FAM110C: variants seen among roughly 807,000 people sequenced by gnomAD.
The protein encoded by FAM110C is protein FAM110C.
FAM110C carries 19 observed loss-of-function variants against 15.7 expected under a neutral mutation model. That is an observed-to-expected ratio of 1.21 (90% confidence interval 0.85 to 1.78). The LOEUF (loss-of-function observed/expected upper bound fraction) is 1.78, where lower values mean the gene tolerates loss of function less well. Ranked by LOEUF, FAM110C falls within the 40% of genes most tolerant of loss-of-function variation. The probability of loss-of-function intolerance (pLI) is 0.00; values close to 1 mark genes in which losing one functional copy is unlikely to be tolerated. For synonymous variants in FAM110C, 275 were observed against 233.9 expected, an observed-to-expected ratio of 1.18 and a Z score of -1.61; for missense variants, 547 against 495.7, an observed-to-expected ratio of 1.10 and a Z score of -0.98.
intron 1 of FAM110C, chr2:43,221 T>A: frequency 1.0e-6 from 1 of 985,444 alleles, no homozygotes; most frequent in Non-Finnish European, 1.2e-6. Flanking sequence ...AGTACATTAG[T>A]AAAGAAAATC....
In FAM110C at chr2:40,727, C is replaced by G. The variant is rs1377458675; in HGVS notation, c.*881G>C. The G allele has an allele frequency of 6.6e-6, 1 of 152,146 alleles. No individual in the cohort carries two copies. Among genetic ancestry groups the G allele is most frequent in the Non-Finnish European group, 1.5e-5 (1 of 68,028 alleles). The allele number at this position is 152,146 out of a possible 1,614,324, so 9.4% of individuals were successfully genotyped here. A position where few individuals can be genotyped will look rare whatever the true frequency, so the allele number is the denominator to read the frequency against. ...TCAGATGCCCGTGTTCTGTGTAAACCAAAGTTTTCTGTTCTTTTTGGAAGT... is the reference window on the plus strand; with the variant it reads ...TCAGATGCCCGTGTTCTGTGTAAACGAAAGTTTTCTGTTCTTTTTGGAAGT... On this transcript the variant is annotated 3_prime_UTR_variant, in exon 2 of 2. Transcript: ENST00000327669.
chr2:46,272 C>T lies in FAM110C; in HGVS notation c.114G>A (p.Glu38=). The part of the protein sequence containing the change: ...AARPARRSAV[E]RLAADRAKYV... Reference sequence around the variant, plus strand: ...ACTTGGCGCGATCCGCCGCCAGCCTCTCCACTGCGCTCCTGCGCGCCGGCC... The same window carrying T: ...ACTTGGCGCGATCCGCCGCCAGCCTTTCCACTGCGCTCCTGCGCGCCGGCC... Residue 38 remains glutamate, a synonymous_variant, in exon 1 of 2, where the codon GAG becomes GAA. Coordinates refer to ENST00000327669, the MANE Select transcript of FAM110C (RefSeq NM_001077710.3). 7.2e-7 allele frequency: 1 copy of T among 1,389,542 alleles called. No individual in the cohort carries two copies. The highest frequency in any genetic ancestry group is 9.3e-7 in the Non-Finnish European group (1 of 1,075,194). 86.1% of individuals were successfully genotyped at this position (1,389,542 alleles called of 1,614,324 possible).
At position 46,090 on chromosome 2, in the gene FAM110C, G is replaced by A. The variant is rs747170500; in HGVS notation, c.296C>T (p.Ser99Leu). The A allele has an allele frequency of 2.0e-6, 3 of 1,520,550 alleles. No homozygotes were observed. The highest frequency in any genetic ancestry group is 2.6e-6 in the Non-Finnish European group (3 of 1,141,768). The allele number at this position is 1,520,550 out of a possible 1,614,324, so 94.2% of individuals were successfully genotyped here. Reference protein sequence around the residue: ...AIARKPLRPDSLIIYRQKCEF... With the variant: ...AIARKPLRPDLLIIYRQKCEF... ...GCATTTCTGCCGGTAGATGATCAGC[G>A]AGTCCGGTCTCAACGGCTTCCGCGC... is the stretch of plus-strand genomic sequence containing the variant. Residue 99 changes from serine to leucine, a missense_variant, in exon 1 of 2, where the codon TCG becomes TTG. Physicochemically the swap from Ser to Leu is moderately radical, Grantham distance 145. Transcript: ENST00000327669.
intron 1 of FAM110C, 83 bp downstream of exon 1, chr2:45,357 G>C: frequency 6.7e-7 from 1 of 1,500,798 alleles, no homozygotes; most frequent in African/African-American, 1.4e-5. Context: ...GCTGTAACTG[G>C]CCATCGCCCA....
intron 1 of FAM110C, chr2:44,598 C>T (rs1664226411): frequency 3.0e-6 from 3 of 985,314 alleles, no homozygotes; most frequent in Admixed American, 1.2e-4. Flanking sequence ...TCTTTCTCTT[C>T]ACTACTTTCC....
intron 1 of FAM110C, chr2:42,208 T>C: frequency 2.0e-6 from 2 of 985,444 alleles, no homozygotes; most frequent in South Asian, 9.4e-5. Flanking sequence ...TTTTTCTGCA[T>C]CTTTGCAAAT....
chr2:44,845 A>C (rs1664232141), intron 1 of FAM110C: 1 of 985,448 alleles, frequency 1.0e-6, no homozygotes, highest in South Asian at 4.7e-5. Flanking sequence ...AGCCAAATAA[A>C]GATCTTTGTT....
intron 1 of FAM110C, chr2:43,182 A>G (rs1664173657): frequency 1.0e-6 from 1 of 985,342 alleles, no homozygotes; most frequent in African/African-American, 1.7e-5. Flanking sequence ...GCAGTTTCAA[A>G]GAGGCCTGTG....
rs971338991 is a variant in FAM110C at position 46,500 on chromosome 2, C to T, written c.-115G>A. ...GTCCGCGCCGGGTGGGGAACGGCGCCCCAGTGCCCAGCTGCCCAGGCCCGG... is the reference window on the plus strand; with the variant it reads ...GTCCGCGCCGGGTGGGGAACGGCGCTCCAGTGCCCAGCTGCCCAGGCCCGG... On this transcript the variant is annotated 5_prime_UTR_variant, in exon 1 of 2. Transcript: ENST00000327669. 2.9e-5 allele frequency: 22 copies of T among 755,672 alleles called. No homozygotes were observed. The East Asian group carries it at 7.2e-4, about 25-fold the overall frequency. 46.8% of individuals were successfully genotyped at this position (755,672 alleles called of 1,614,324 possible). A position where few individuals can be genotyped will look rare whatever the true frequency, so the allele number is the denominator to read the frequency against.
At position 42,043 on chromosome 2, in the gene FAM110C, T is replaced by A. The variant is rs542495017; in HGVS notation, c.947-416A>T. 1.8e-4 allele frequency: 174 copies of A among 985,378 alleles called. 1 individual carries two copies. In the African/African-American group the frequency reaches 2.8e-3, roughly 16 times the overall value. 61.0% of individuals were successfully genotyped at this position (985,378 alleles called of 1,614,324 possible). A position where few individuals can be genotyped will look rare whatever the true frequency, so the allele number is the denominator to read the frequency against. The stretch of plus-strand genomic sequence containing the variant: ...AGATTCCTCCCTTTTCAAACACCAA[T>A]ATCTCTTAAAGGCCCAGGCGCGGGT... On this transcript the variant is annotated intron_variant, in intron 1 of 1. Coordinates refer to ENST00000327669, the MANE Select transcript of FAM110C (RefSeq NM_001077710.3).
Position 45,835 on chromosome 2 carries a change from G to A in FAM110C, c.551C>T (p.Pro184Leu). The change falls in exon 1 of 2, where the codon CCC becomes CTC. Residue 184 changes from proline to leucine, a missense_variant. Pro to Leu is a moderately conservative substitution (Grantham distance 98, BLOSUM62 -3). Transcript: ENST00000327669. ...SAAPSSVPAA[P>L]PGPEPRVVRR... Reference sequence around the variant, plus strand: ...CACCACCCGCGGCTCTGGCCCAGGGGGCGCGGCCGGGACACTGGAGGGCGC... The same window carrying A: ...CACCACCCGCGGCTCTGGCCCAGGGAGCGCGGCCGGGACACTGGAGGGCGC... The A allele has an allele frequency of 6.5e-7, 1 of 1,538,730 alleles. No homozygotes were observed. Among genetic ancestry groups the A allele is most frequent in the African/African-American group, 1.4e-5 (1 of 73,208 alleles).
At position 46,492 on chromosome 2, in the gene FAM110C, A is replaced by G; in HGVS notation, c.-107T>C. On this transcript the variant is annotated 5_prime_UTR_variant, in exon 1 of 2. Coordinates refer to ENST00000327669, the MANE Select transcript of FAM110C (RefSeq NM_001077710.3). ...GTTCCGAAGTCCGCGCCGGGTGGGG[A>G]ACGGCGCCCCAGTGCCCAGCTGCCC... 1.1e-6 allele frequency: 1 copy of G among 883,216 alleles called. No homozygotes were observed. The highest frequency in any genetic ancestry group is 1.5e-6 in the Non-Finnish European group (1 of 666,648). 54.7% of individuals were successfully genotyped at this position (883,216 alleles called of 1,614,324 possible). A position where few individuals can be genotyped will look rare whatever the true frequency, so the allele number is the denominator to read the frequency against.
chr2:40,753 T>C lies in FAM110C; in HGVS notation c.*855A>G, dbSNP rs529949368. The C allele has an allele frequency of 3.2e-4, 49 of 152,320 alleles. No homozygotes were observed. Among genetic ancestry groups the C allele is most frequent in the Admixed American group, 2.7e-3 (41 of 15,306 alleles). 9.4% of individuals were successfully genotyped at this position (152,320 alleles called of 1,614,324 possible). A position where few individuals can be genotyped will look rare whatever the true frequency, so the allele number is the denominator to read the frequency against. On this transcript the variant is annotated 3_prime_UTR_variant, in exon 2 of 2. Coordinates refer to ENST00000327669, the MANE Select transcript of FAM110C (RefSeq NM_001077710.3). Reference sequence around the variant, plus strand: ...AAAGTTTTCTGTTCTTTTTGGAAGTTGGGAACAAGAGAACCATGGAGTACA... The same window carrying C: ...AAAGTTTTCTGTTCTTTTTGGAAGTCGGGAACAAGAGAACCATGGAGTACA...
chr2:43,292 A>G, intron 1 of FAM110C: 3 of 985,296 alleles, frequency 3.0e-6, no homozygotes, highest in Non-Finnish European at 3.6e-6. Context: ...GTGGGACTGT[A>G]CCCCTGCTCT....
chr2:45,836 G>T lies in FAM110C; in HGVS notation c.550C>A (p.Pro184Thr), dbSNP rs766530151. 25 of 1,538,614 alleles carry T rather than the reference G, an allele frequency of 1.6e-5. No individual in the cohort carries two copies. In the African/African-American group the frequency reaches 3.1e-4, roughly 19 times the overall value. ...ACCACCCGCGGCTCTGGCCCAGGGG[G>T]CGCGGCCGGGACACTGGAGGGCGCC... is the stretch of plus-strand genomic sequence containing the variant. ...SAAPSSVPAA[P>T]PGPEPRVVRR... Residue 184 changes from proline (P) to threonine (T), a missense_variant, in exon 1 of 2, where the codon CCC becomes ACC. Transcript: ENST00000327669.
At chr2:42,347 T>C (rs1382096252) in intron 1 of FAM110C, 3 of 978,596 alleles carry the variant, frequency 3.1e-6, no homozygotes, top group Non-Finnish European at 2.4e-6. Flanking sequence ...AATTAAGCAA[T>C]GTTTTATGCC....
chr2:42,246 T>C, intron 1 of FAM110C: 3 of 985,460 alleles, frequency 3.0e-6, no homozygotes, highest in Non-Finnish European at 3.6e-6. Context: ...TCCAGGAGCT[T>C]TCGATGCGCT....
At chr2:43,895 A>C (rs1664198275) in intron 1 of FAM110C, 1 of 985,322 alleles carries the variant, frequency 1.0e-6, no homozygotes, top group South Asian at 4.7e-5. Context: ...TACACAGACT[A>C]GAAAATGTAG....
At chr2:43,954 G>C in intron 1 of FAM110C, 1 of 985,352 alleles carries the variant, frequency 1.0e-6, no homozygotes, top group Non-Finnish European at 1.2e-6. Flanking sequence ...GACAAAGGAC[G>C]CCTGGTCTAT....
Sources: allele counts gnomAD v4.1 joint callset, GRCh38; gene constraint gnomAD v4.1.1; transcripts MANE v1.5; gene names NCBI Gene and HGNC (gene_info 2026-07-23, HGNC 2026-07-21).